The following TMEM178B variants were observed in gnomAD, a reference collection of about 807,000 sequenced individuals.
The protein encoded by TMEM178B is transmembrane protein 178B.
Under a neutral mutation model 31.0 loss-of-function variants are expected in TMEM178B, and 5 were observed. The observed-to-expected ratio is 0.16, with a 90% CI of 0.08 to 0.34. TMEM178B has a LOEUF of 0.34. TMEM178B is among the 10% of genes least tolerant of loss of function. TMEM178B has a pLI of 1.00. For missense variants in TMEM178B, 275 were observed against 400.3 expected (o/e 0.69, Z 2.67); for synonymous variants, 164 against 164.0 (o/e 1.00, Z 0.00).
At chr7:141,332,157 G>A (rs1454264946) in intron 2 of TMEM178B, among the ~76,000 whole-genome samples, 1 of 152,142 alleles carries the variant, frequency 6.6e-6, no homozygotes, top group Non-Finnish European at 1.5e-5. Context: ...CTGCCCAAGA[G>A]CCAAGACCCT....
At chr7:141,396,674 G>C (rs1193922075) in intron 2 of TMEM178B, among the ~76,000 whole-genome samples, 8 of 152,172 alleles carry the variant, frequency 5.3e-5, no homozygotes, top group Non-Finnish European at 1.2e-4. Flanking sequence ...CCTCAAAGAA[G>C]AGAAAAATGG....
At chr7:141,360,516 G>A (rs549246811) in intron 2 of TMEM178B, among the ~76,000 whole-genome samples, 1 of 152,296 alleles carries the variant, frequency 6.6e-6, no homozygotes, top group Admixed American at 6.5e-5. Context: ...TTCCTGCTTG[G>A]CATGCTAGTG....
chr7:141,111,171 G>A (rs953681685), intron 1 of TMEM178B, among the ~76,000 whole-genome samples: 79 of 152,212 alleles, frequency 5.2e-4, no homozygotes, highest in African/African-American at 1.7e-3. Context: ...CAATCATGGC[G>A]GAAGGTGATG....
intron 1 of TMEM178B, among the ~76,000 whole-genome samples, chr7:141,086,780 A>C (rs999637961): frequency 3.3e-5 from 5 of 151,924 alleles, no homozygotes; most frequent in African/African-American, 1.2e-4. Flanking sequence ...GCTCACTGCA[A>C]CCTCCATCTT....
chr7:141,238,937 G>A (rs963230434), intron 2 of TMEM178B, among the ~76,000 whole-genome samples: 1 of 152,184 alleles, frequency 6.6e-6, no homozygotes, highest in Admixed American at 6.5e-5. Flanking sequence ...CCAGCTTCAC[G>A]AGTAGGTTAG....
At chr7:141,439,726 C>A (rs919772508) in intron 3 of TMEM178B, among the ~76,000 whole-genome samples, 1 of 152,140 alleles carries the variant, frequency 6.6e-6, no homozygotes, top group Non-Finnish European at 1.5e-5. Context: ...AAAAGCTGAG[C>A]AAACGGGCCG....
At chr7:141,386,106 G>C (rs1337836837) in intron 2 of TMEM178B, among the ~76,000 whole-genome samples, 3 of 152,186 alleles carry the variant, frequency 2.0e-5, no homozygotes, top group South Asian at 4.1e-4. Context: ...TGAGCAGGTG[G>C]CCTCTAAAAA....
chr7:141,426,089 A>T (rs531922698), intron 2 of TMEM178B, among the ~76,000 whole-genome samples: 2 of 152,352 alleles, frequency 1.3e-5, no homozygotes, highest in African/African-American at 4.8e-5. Flanking sequence ...ATTAAGTGAT[A>T]GTTAATGCTG....
chr7:141,233,556 A>C (rs544018841), intron 2 of TMEM178B, among the ~76,000 whole-genome samples: 1 of 152,236 alleles, frequency 6.6e-6, no homozygotes, highest in South Asian at 2.1e-4. Context: ...ACCTGTTAAG[A>C]GCTAGACTGG....
intron 1 of TMEM178B, among the ~76,000 whole-genome samples, chr7:141,075,257 C>A (rs1445334652): frequency 1.3e-5 from 2 of 152,166 alleles, no homozygotes; most frequent in Admixed American, 1.3e-4. Context: ...CCAGCAGCAT[C>A]ATATCACAAT....
intron 1 of TMEM178B, among the ~76,000 whole-genome samples, chr7:141,112,033 A>G (rs1358112035): frequency 2.0e-5 from 3 of 151,980 alleles, no homozygotes; most frequent in Non-Finnish European, 4.4e-5. Flanking sequence ...GTCAATAATT[A>G]TTTTTCCTGC....
intron 2 of TMEM178B, among the ~76,000 whole-genome samples, chr7:141,360,208 A>G (rs899301959): frequency 7.2e-5 from 11 of 152,328 alleles, no homozygotes; most frequent in African/African-American, 2.6e-4. Flanking sequence ...TTTCTTACTA[A>G]CAAAATCCTG....
At chr7:141,107,551 T>C (rs949877231) in intron 1 of TMEM178B, among the ~76,000 whole-genome samples, 1 of 152,112 alleles carries the variant, frequency 6.6e-6, no homozygotes. Flanking sequence ...GAGAGAAATA[T>C]AGGACTCAGG....
chr7:141,113,573 C>G (rs953558024), intron 1 of TMEM178B, among the ~76,000 whole-genome samples: 1 of 152,192 alleles, frequency 6.6e-6, no homozygotes, highest in African/African-American at 2.4e-5. Flanking sequence ...ACACCCCATC[C>G]TTTAGGAAGC....
chr7:141,396,466 T>G (rs1348756827), intron 2 of TMEM178B, among the ~76,000 whole-genome samples: 1 of 152,230 alleles, frequency 6.6e-6, no homozygotes, highest in Non-Finnish European at 1.5e-5. Context: ...TGAAGGTCTT[T>G]GAGAGCCAGA....
chr7:141,170,557 C>T (rs1796331591), intron 1 of TMEM178B, among the ~76,000 whole-genome samples: 1 of 152,184 alleles, frequency 6.6e-6, no homozygotes, highest in South Asian at 2.1e-4. Context: ...TATGGAATTG[C>T]TCTGCAAATG....
At chr7:141,296,473 C>T (rs1234524875) in intron 2 of TMEM178B, among the ~76,000 whole-genome samples, 2 of 152,118 alleles carry the variant, frequency 1.3e-5, no homozygotes, top group Non-Finnish European at 2.9e-5. Context: ...AGGCACCATG[C>T]TAGGCTGAGG....
chr7:141,472,858 GATCTCTCTGTATGTGT>G lies in TMEM178B; in HGVS notation c.*2082_*2097del, dbSNP rs1017948275. 1 of 152,120 alleles carries G rather than the reference GATCTCTCTGTATGTGT, an allele frequency of 6.6e-6. No individual in the cohort carries two copies. Among genetic ancestry groups the G allele is most frequent in the Non-Finnish European group, 1.5e-5 (1 of 68,040 alleles). The allele number at this position is 152,120 out of a possible 1,614,324, so 9.4% of individuals were successfully genotyped here. On this transcript the variant is annotated 3_prime_UTR_variant, in exon 4 of 4. Transcript: ENST00000565468. ...ATGTGCATGAATGGGGTTGAATGTG[GATCTCTCTGTATGTGT>G]ATCTCTCTGGTGCATTTTGTGTACG...
chr7:141,424,631 T>C (rs903011521), intron 2 of TMEM178B, among the ~76,000 whole-genome samples: 2 of 152,124 alleles, frequency 1.3e-5, no homozygotes, highest in South Asian at 2.1e-4. Flanking sequence ...ACATCCTTAT[T>C]GTAGAAAAGA....
Sources: allele counts gnomAD v4.1 joint callset (sites outside exome capture counted in the v4.1 genomes callset), GRCh38; gene constraint gnomAD v4.1.1; transcripts MANE v1.5; gene names NCBI Gene and HGNC (gene_info 2026-07-23, HGNC 2026-07-21).